IPO4: variants seen among roughly 807,000 people sequenced by gnomAD.
The protein encoded by IPO4 is importin 4, also known as importin-4.
Under a neutral mutation model 133.5 loss-of-function variants are expected in IPO4, and 91 were observed. The ratio of observed to expected loss-of-function variants is 0.68; its 90% CI spans 0.58 to 0.81. IPO4 has a LOEUF of 0.81. IPO4 is among the 30% of genes least tolerant of loss of function. The probability of loss-of-function intolerance (pLI) is 0.00; values close to 1 mark genes in which losing one functional copy is unlikely to be tolerated. For missense variants in IPO4, 1,279 were observed against 1,386.2 expected (o/e 0.92, Z 1.23); for synonymous variants, 607 against 581.6 (o/e 1.04, Z -0.63).
Position 24,183,131 on chromosome 14 carries a change from T to A in IPO4, c.2266A>T (p.Met756Leu). 6.2e-7 allele frequency: 1 copy of A among 1,613,752 alleles called. No homozygotes were observed. The highest frequency in any genetic ancestry group is 8.5e-7 in the Non-Finnish European group (1 of 1,179,908). Residue 756 changes from methionine (M) to leucine (L), a missense_variant, in exon 23 of 30, where the codon ATG (methionine) becomes TTG (leucine). This residue lies in a region of IPO4 where 575 missense variants were observed against 653.4 expected (regional missense o/e 0.88). Transcript: ENST00000354464. ...TCCCGCTCCCTGTTCACTGCCTGCA[T>A]GTAGGATGGCACGACTCGGGCCAGG... ...AALARVVPSYMQAVNRERERQ... is the reference protein window; with the variant it reads ...AALARVVPSYLQAVNRERERQ...
Position 24,185,465 on chromosome 14 carries a change from G to C in IPO4, c.1272C>G (p.Asn424Lys). 1.9e-6 allele frequency: 3 copies of C among 1,614,140 alleles called. No homozygotes were observed. The highest frequency in any genetic ancestry group is 2.5e-6 in the Non-Finnish European group (3 of 1,179,974). Reference protein sequence around the residue: ...ALFALGQFSENLQPHISSYSR... With the variant: ...ALFALGQFSEKLQPHISSYSR... The stretch of plus-strand genomic sequence containing the variant: ...CACATTCAGCCTGGTTCACCTGTAG[G>C]TTTTCTGAGAACTGGCCCAGGGCAA... The change falls in exon 13 of 30, where the codon AAC becomes AAG. Residue 424 changes from asparagine to lysine, a missense_variant. Physicochemically the swap from Asn to Lys is moderately conservative, Grantham distance 94. Around this residue, in one of 3 missense-constraint regions of IPO4, gnomAD observed 695 missense variants for 704.1 expected, o/e 0.99. Transcript: ENST00000354464.
chr14:24,183,439 C>T lies in IPO4; in HGVS notation c.2121+17G>A, dbSNP rs991810423. ...CAGCCTGAGAACCCCACCCACTCCA[C>T]CCGCCGGCCCGCTCACCTCCAGCAG... On this transcript the variant is annotated intron_variant, in intron 21 of 29. Coordinates refer to ENST00000354464, the MANE Select transcript of IPO4 (RefSeq NM_024658.4). 3 of 1,604,918 alleles carry T rather than the reference C, an allele frequency of 1.9e-6. No individual in the cohort carries two copies. Among genetic ancestry groups the T allele is most frequent in the Non-Finnish European group, 2.6e-6 (3 of 1,174,982 alleles).
chr14:24,180,744 A>G lies in IPO4; in HGVS notation c.3060T>C (p.Ala1020=). Residue 1020 remains alanine, a synonymous_variant, in exon 29 of 30, where the codon GCT becomes GCC. Coordinates refer to ENST00000354464, the MANE Select transcript of IPO4 (RefSeq NM_024658.4). ...QSSPDQVIDV[A]PELLRICSLI... ...GGCTGCAGATACGCAGAAGCTCGGG[A>G]GCCACATCTATAACCTGTGAGGAAA... is the stretch of plus-strand genomic sequence containing the variant. 1 of 1,613,974 alleles carries G rather than the reference A, an allele frequency of 6.2e-7. No homozygotes were observed. Among genetic ancestry groups the G allele is most frequent in the Non-Finnish European group, 8.5e-7 (1 of 1,180,012 alleles).
At chr14:24,185,834 C>G in intron 12 of IPO4, 27 bp downstream of exon 12, 1 of 1,570,428 alleles carries the variant, frequency 6.4e-7, no homozygotes, top group Non-Finnish European at 8.8e-7. Flanking sequence ...GTGGGCAACC[C>G]TCACCCTGGG....
rs886960517 is a variant in IPO4, at chr14:24,181,783, A to G, written c.2868T>C (p.Arg956=). The change falls in exon 27 of 30, where the codon CGT becomes CGC. Residue 956 remains arginine, a synonymous_variant. Transcript: ENST00000354464. ...GTGCCCCACAGATGTTGTCACGGAC[A>G]CGATCATGTCGCTCCCGCGCCAGGA... ...FPLLARERHD[R]VRDNICGALA... 1 of 1,601,804 alleles carries G rather than the reference A, an allele frequency of 6.2e-7. No individual in the cohort carries two copies. Among genetic ancestry groups the G allele is most frequent in the Admixed American group, 1.7e-5 (1 of 59,316 alleles).
At position 24,187,497 on chromosome 14, in the gene IPO4, A is replaced by G; in HGVS notation, c.491T>C (p.Leu164Pro). ...GCCCACCTCACCAAGAGTCTCATTC[A>G]GAAGCCGAAGAAGCTCCCGGTGGTG... is the stretch of plus-strand genomic sequence containing the variant. Reference protein sequence around the residue: ...QPHHRELLRLLNETLGEVGSP... With the variant: ...QPHHRELLRLPNETLGEVGSP... The change falls in exon 6 of 30, where the codon CTG becomes CCG. Residue 164 changes from leucine to proline, a missense_variant. By Grantham distance (98) the Leu-to-Pro change is moderately conservative. This residue lies in a region of IPO4 where 695 missense variants were observed against 704.1 expected (regional missense o/e 0.99). Transcript: ENST00000354464. 6.2e-7 allele frequency: 1 copy of G among 1,614,202 alleles called. No individual in the cohort carries two copies. The highest frequency in any genetic ancestry group is 8.5e-7 in the Non-Finnish European group (1 of 1,180,026).
At position 24,183,511 on chromosome 14, in the gene IPO4, A is replaced by T; in HGVS notation, c.2066T>A (p.Val689Glu). 6.2e-7 allele frequency: 1 copy of T among 1,614,036 alleles called. No individual in the cohort carries two copies. Among genetic ancestry groups the T allele is most frequent in the Non-Finnish European group, 8.5e-7 (1 of 1,179,982 alleles). Residue 689 changes from valine to glutamate, a missense_variant and splice_region_variant, in exon 21 of 30, where the codon GTG (valine) becomes GAG (glutamate). This residue lies in a region of IPO4 where 575 missense variants were observed against 653.4 expected (regional missense o/e 0.88). Transcript: ENST00000354464. ...ACTTTCCATGTATGGAAGGAAGGCC[A>T]CACTACAGAGAGAGACACAGCCGTG... ...AVGEISVNTS[V>E]AFLPYMESVF...
chr14:24,180,845 C>G, intron 28 of IPO4, 87 bp from the exon 29 acceptor site: 2 of 1,075,186 alleles, frequency 1.9e-6, no homozygotes, highest in Non-Finnish European at 1.3e-6. Context: ...GGCAGAATCT[C>G]TTATCAGGGG....
Position 24,181,796 on chromosome 14 carries a change from TC to T in IPO4, c.2854del (p.Glu952SerfsTer18). ...GTTGTCACGGACACGATCATGTCGC[TC>T]CCGCGCCAGGAGGGGAAAAAGGAGC... ...LGLLFPLLAR[E>X]RHDRVRDNIC... On this transcript the variant is annotated frameshift_variant, in exon 27 of 30. Transcript: ENST00000354464. LOFTEE classifies it high-confidence loss of function. 6.3e-7 allele frequency: 1 copy of T among 1,599,158 alleles called. No individual in the cohort carries two copies. Among genetic ancestry groups the T allele is most frequent in the Non-Finnish European group, 8.5e-7 (1 of 1,170,900 alleles).
Position 24,185,495 on chromosome 14 carries a change from C to T in IPO4, c.1242G>A (p.Ala414=), listed in dbSNP as rs376335796. 32 of 1,614,190 alleles carry T rather than the reference C, an allele frequency of 2.0e-5. No homozygotes were observed. In the East Asian group the frequency reaches 2.2e-4, roughly 11 times the overall value. Residue 414 remains alanine, a synonymous_variant, in exon 13 of 30, where the codon GCG becomes GCA. Transcript: ENST00000354464. ...EDPSQVVRNA[A]LFALGQFSEN... Reference sequence around the variant, plus strand: ...CTGAGAACTGGCCCAGGGCAAACAGCGCAGCATTGCGTACAACTTGCGAGG... The same window carrying T: ...CTGAGAACTGGCCCAGGGCAAACAGTGCAGCATTGCGTACAACTTGCGAGG...
intron 18 of IPO4, 31 bp from the exon 19 acceptor site, chr14:24,183,929 T>C: frequency 6.2e-7 from 1 of 1,613,808 alleles, no homozygotes; most frequent in Non-Finnish European, 8.5e-7. Flanking sequence ...GGACTTTGGC[T>C]CAGCTGGGCC....
In IPO4 at chr14:24,187,451, G is replaced by A. The variant is rs762086017; in HGVS notation, c.537C>T (p.Tyr179=). ...GEVGSPGLLF[Y]SLRTLTTMAP... The stretch of plus-strand genomic sequence containing the variant: ...CCATGGTGGTCAGAGTGCGCAGGGA[G>A]TAGAAGAGCAGCCCAGGAGAGCCCA... Residue 179 remains tyrosine, a synonymous_variant, in exon 6 of 30, where the codon TAC becomes TAT. Coordinates refer to ENST00000354464, the MANE Select transcript of IPO4 (RefSeq NM_024658.4). 2 of 1,614,172 alleles carry A rather than the reference G, an allele frequency of 1.2e-6. No individual in the cohort carries two copies. The highest frequency in any genetic ancestry group is 2.2e-5 in the East Asian group (1 of 44,884).
At chr14:24,186,533 A>T in intron 9 of IPO4, 82 bp from the exon 10 acceptor site, 1 of 1,488,674 alleles carries the variant, frequency 6.7e-7, no homozygotes, top group Non-Finnish European at 9.1e-7. Flanking sequence ...CTTCCAGGCC[A>T]TAAGGGGTCT....
Position 24,185,566 on chromosome 14 carries a change from G to A in IPO4, c.1171C>T (p.Leu391=). 1 of 1,613,372 alleles carries A rather than the reference G, an allele frequency of 6.2e-7. No homozygotes were observed. The highest frequency in any genetic ancestry group is 8.5e-7 in the Non-Finnish European group (1 of 1,179,340). The change falls in exon 13 of 30, where the codon CTG becomes TTG. Residue 391 remains leucine, a splice_region_variant and synonymous_variant. Coordinates refer to ENST00000354464, the MANE Select transcript of IPO4 (RefSeq NM_024658.4). ...DGAGDHIRQR[L]LPPLLQIVCK... Reference sequence around the variant, plus strand: ...ACAATCTGCAGCAGTGGGGGCAGCAGTCTGGATGGGGCAAACAAGAGGACA... The same window carrying A: ...ACAATCTGCAGCAGTGGGGGCAGCAATCTGGATGGGGCAAACAAGAGGACA...
chr14:24,182,583 C>T, intron 24 of IPO4, 180 bp from the exon 25 acceptor site: 1 of 988,352 alleles, frequency 1.0e-6, no homozygotes, highest in Non-Finnish European at 1.5e-6. Flanking sequence ...CTGCTCCTAC[C>T]TATCACTCCA....
In IPO4 at chr14:24,181,516, G is replaced by A. The variant is rs372609334; in HGVS notation, c.3042C>T (p.Asp1014=). The A allele has an allele frequency of 5.0e-5, 78 of 1,558,982 alleles. No homozygotes were observed. Among genetic ancestry groups the A allele is most frequent in the African/African-American group, 2.6e-4 (19 of 73,444 alleles). Residue 1014 remains aspartate, a synonymous_variant, in exon 28 of 30, where the codon GAC becomes GAT. Transcript: ENST00000354464. ...LFSFLYQSSP[D]QVIDVAPELL... is the part of the protein sequence containing the mutation. ...GGGCTGCCAGCAGCAAGGTTACCTG[G>A]TCAGGGCTGCTCTGGTACAGGAAGC... is the stretch of plus-strand genomic sequence containing the variant.
Position 24,187,566 on chromosome 14 carries a change from AGCAAAAGCC to A in IPO4, c.413_421del (p.Gly138_Leu141delinsVal), listed in dbSNP as rs773457095. ...CCGGGAGGTCACCACCACACTTAGC[AGCAAAAGCC>A]CCATCTGTCCAAGAATAGAGGATGG... On this transcript the variant is annotated inframe_deletion, in exon 6 of 30. Coordinates refer to ENST00000354464, the MANE Select transcript of IPO4 (RefSeq NM_024658.4). 1.1e-5 allele frequency: 17 copies of A among 1,614,082 alleles called. No homozygotes were observed. Among genetic ancestry groups the A allele is most frequent in the Non-Finnish European group, 1.3e-5 (15 of 1,180,052 alleles).
intron 12 of IPO4, 28 bp from the exon 13 acceptor site, chr14:24,185,595 G>A (rs180753870): frequency 2.5e-6 from 4 of 1,580,124 alleles, no homozygotes; most frequent in African/African-American, 2.7e-5. Flanking sequence ...GAGGACATAG[G>A]CTGAGAAGCT....
chr14:24,184,909 G>T lies in IPO4; in HGVS notation c.1480C>A (p.Pro494Thr), dbSNP rs145779241. ...MLQLLRNPSS[P>T]RAKELAVSAL... Reference sequence around the variant, plus strand: ...CTCACAGCCAGCTCCTTGGCCCGGGGACTGCTGGGGTTCCTCAGAAGCTGC... The same window carrying T: ...CTCACAGCCAGCTCCTTGGCCCGGGTACTGCTGGGGTTCCTCAGAAGCTGC... Residue 494 changes from proline (P) to threonine (T), a missense_variant, in exon 15 of 30, where the codon CCC becomes ACC. Around this residue, in one of 3 missense-constraint regions of IPO4, gnomAD observed 695 missense variants for 704.1 expected, o/e 0.99. Coordinates refer to ENST00000354464, the MANE Select transcript of IPO4 (RefSeq NM_024658.4). The T allele has an allele frequency of 1.2e-3, 2,015 of 1,614,098 alleles. 18 individuals are homozygous for T. The African/African-American group carries it at 0.024, about 19-fold the overall frequency.
Sources: gnomAD v4.1 joint callset for allele counts on GRCh38, gnomAD v4.1.1 for gene constraint, gnomAD v4.1.1 regional missense constraint, MANE v1.5 for transcripts, NCBI Gene and HGNC (gene_info 2026-07-23, HGNC 2026-07-21) for gene names.